Variants in TIAM1 observed in about 807,000 individuals in gnomAD.
TIAM1 encodes rho guanine nucleotide exchange factor TIAM1.
In TIAM1, 65 loss-of-function variants were observed where a neutral mutation model predicts 163.5. The ratio of observed to expected loss-of-function variants is 0.40; its 90% confidence interval spans 0.33 to 0.49. The LOEUF (loss-of-function observed/expected upper bound fraction) is 0.49. Ranked by LOEUF, TIAM1 falls within the 20% of genes least tolerant of loss-of-function variation. The pLI is 0.77. For missense variants in TIAM1, 1,789 were observed against 2,044.7 expected, an observed-to-expected ratio of 0.87 and a Z score of 2.41; for synonymous variants, 833 against 810.1, an observed-to-expected ratio of 1.03 and a Z score of -0.48.
chr21:31,192,843 C>T (rs371600271), intron 13 of TIAM1, among the ~76,000 whole-genome samples: 5 of 152,122 alleles, frequency 3.3e-5, no homozygotes, highest in African/African-American at 1.2e-4. Flanking sequence ...TGCAGAGTGA[C>T]AAGCACTGTC....
chr21:31,330,107 G>T (rs900257350), intron 2 of TIAM1, among the ~76,000 whole-genome samples: 26 of 152,284 alleles, frequency 1.7e-4, no homozygotes, highest in African/African-American at 5.8e-4. Flanking sequence ...GGCTTTGGAT[G>T]AATGTATAAT....
upstream of TIAM1, among the ~76,000 whole-genome samples, chr21:31,344,793 G>A (rs2076115494): frequency 6.6e-6 from 1 of 152,134 alleles, no homozygotes; most frequent in Non-Finnish European, 1.5e-5. Flanking sequence ...GAACACCCAC[G>A]TGCCCACCAT....
At chr21:31,393,914 G>A (rs1228762825) in intron 2 of TIAM1, among the ~76,000 whole-genome samples, 2 of 151,958 alleles carry the variant, frequency 1.3e-5, no homozygotes, top group Non-Finnish European at 2.9e-5. Context: ...GATTCTTAAA[G>A]ATTTTCTTTT....
chr21:31,135,713 A>G (rs1366401324), intron 23 of TIAM1, among the ~76,000 whole-genome samples: 7 of 152,040 alleles, frequency 4.6e-5, no homozygotes, highest in Admixed American at 4.6e-4. Flanking sequence ...GGGCACAGCC[A>G]TTTCCGCCCA....
intron 2 of TIAM1, among the ~76,000 whole-genome samples, chr21:31,412,784 T>TAAAAAAAAAA (rs77221722): frequency 1.9e-5 from 2 of 103,538 alleles, no homozygotes; most frequent in Non-Finnish European, 3.9e-5. Flanking sequence ...TGTCTCAGGT[T>TAAAAAAAAAA]AAAAAAAAAA....
intron 2 of TIAM1, among the ~76,000 whole-genome samples, chr21:31,386,245 G>C (rs2076868706): frequency 6.6e-6 from 1 of 152,008 alleles, no homozygotes; most frequent in Non-Finnish European, 1.5e-5. Context: ...GCAGAGACTT[G>C]TGTTGGCTTC....
intron 1 of TIAM1, among the ~76,000 whole-genome samples, chr21:31,522,798 G>GATGA (rs1394350444): frequency 6.6e-6 from 1 of 152,138 alleles, no homozygotes; most frequent in Admixed American, 6.5e-5. Context: ...TGGAAATAGT[G>GATGA]ATGACCAGGA....
intron 1 of TIAM1, among the ~76,000 whole-genome samples, chr21:31,508,733 C>T (rs1028442666): frequency 1.3e-5 from 2 of 152,098 alleles, no homozygotes; most frequent in African/African-American, 2.4e-5. Context: ...GGCCTGTGGA[C>T]CTGGGTCTCA....
chr21:31,128,131 T>C (rs1206701448), intron 25 of TIAM1, among the ~76,000 whole-genome samples: 2 of 152,254 alleles, frequency 1.3e-5, no homozygotes, highest in Admixed American at 6.5e-5. Context: ...CTCACTTTTA[T>C]CCAGTGGTTC....
intron 2 of TIAM1, among the ~76,000 whole-genome samples, chr21:31,326,331 G>A (rs1002398406): frequency 2.0e-5 from 3 of 152,306 alleles, no homozygotes; most frequent in Admixed American, 2.0e-4. Flanking sequence ...TTTCTGGGAA[G>A]AGACTCTTAG....
chr21:31,450,766 G>A lies in TIAM1; in HGVS notation c.-369+13217C>T, dbSNP rs372358581. Among the ~76,000 whole-genome samples, 3 of 152,284 alleles carry A rather than the reference G, an allele frequency of 2.0e-5. No homozygotes were observed. The South Asian group carries it at 6.2e-4, about 32-fold the overall frequency. ...ATTGGTGTCAGGCAAGAGAGAGAAT[G>A]AGAGCCAAGCGGAAAGGGTTTCCCC... On this transcript the variant is annotated intron_variant, in intron 2 of 28. Transcript: ENST00000286827.
At chr21:31,172,140 G>T (rs1601406068) in intron 15 of TIAM1, among the ~76,000 whole-genome samples, 1 of 152,134 alleles carries the variant, frequency 6.6e-6, no homozygotes, top group Non-Finnish European at 1.5e-5. Flanking sequence ...CCAGAAAGCA[G>T]GAGGTGACAG....
intron 2 of TIAM1, among the ~76,000 whole-genome samples, chr21:31,388,477 C>T (rs1420198047): frequency 6.8e-6 from 1 of 146,312 alleles, no homozygotes; most frequent in East Asian, 2.0e-4. Context: ...CCCATCTCTA[C>T]AAAAAATAAA....
chr21:31,499,085 G>A (rs1323291036), intron 1 of TIAM1, among the ~76,000 whole-genome samples: 2 of 152,134 alleles, frequency 1.3e-5, no homozygotes, highest in Non-Finnish European at 2.9e-5. Context: ...CTATTTATTT[G>A]GCAAAGATAC....
intron 2 of TIAM1, among the ~76,000 whole-genome samples, chr21:31,446,610 A>C (rs370053822): frequency 6.6e-6 from 1 of 152,182 alleles, no homozygotes; most frequent in African/African-American, 2.4e-5. Flanking sequence ...GAAGGCAAAG[A>C]AAACAGAAAA....
In TIAM1 at chr21:31,344,216, C is replaced by G. The variant is rs1401521401; in HGVS notation, c.-447G>C. The G allele has an allele frequency of 6.6e-6, 1 of 152,330 alleles. No individual in the cohort carries two copies. Among genetic ancestry groups the G allele is most frequent in the African/African-American group, 2.4e-5 (1 of 41,454 alleles). The allele number at this position is 152,330 out of a possible 1,614,324, so 9.4% of individuals were successfully genotyped here. A position where few individuals can be genotyped will look rare whatever the true frequency, so the allele number is the denominator to read the frequency against. Reference sequence around the variant, plus strand: ...ACTTCCAGTAACAGAAATGAGGAAGCAGCAGCCTTCCCCGGCTGCTGGCGG... The same window carrying G: ...ACTTCCAGTAACAGAAATGAGGAAGGAGCAGCCTTCCCCGGCTGCTGGCGG... On this transcript the variant is annotated 5_prime_UTR_variant, in exon 1 of 28. Coordinates refer to ENST00000541036, the MANE Select transcript of TIAM1 (RefSeq NM_001353694.2).
chr21:31,558,801 C>A (rs1338334546), intron 1 of TIAM1: 1 of 152,178 alleles, frequency 6.6e-6, no homozygotes, highest in Non-Finnish European at 1.5e-5. Flanking sequence ...GCCGGGAGCC[C>A]CAGTGTGCGG....
chr21:31,270,217 C>T (rs556193127), intron 3 of TIAM1, among the ~76,000 whole-genome samples: 13 of 152,106 alleles, frequency 8.5e-5, no homozygotes, highest in South Asian at 6.2e-4. Flanking sequence ...ATTCCACGCA[C>T]GATAAAGCAT....
chr21:31,554,103 G>A (rs1224859061), intron 1 of TIAM1, among the ~76,000 whole-genome samples: 2 of 152,256 alleles, frequency 1.3e-5, no homozygotes, highest in Middle Eastern at 3.4e-3. Context: ...TTTGGAAACA[G>A]GCTTTGCAAA....
Sources: allele counts gnomAD v4.1 joint callset (sites outside exome capture counted in the v4.1 genomes callset), GRCh38; gene constraint gnomAD v4.1.1; transcripts MANE v1.5; gene names NCBI Gene and HGNC (gene_info 2026-07-23, HGNC 2026-07-21).